CBFA2T3: variants seen among roughly 807,000 people sequenced by gnomAD.
CBFA2T3 encodes the protein transcriptional corepressor CBFA2T3.
Under a neutral mutation model 58.6 loss-of-function variants are expected in CBFA2T3, and 31 were observed. The observed-to-expected ratio is 0.53, with a 90% CI of 0.40 to 0.71. CBFA2T3 has a LOEUF of 0.71. CBFA2T3 is among the 30% of genes least tolerant of loss of function. CBFA2T3 has a pLI of 0.00. For synonymous variants in CBFA2T3, 531 were observed against 421.9 expected (o/e 1.26, Z -3.17); for missense variants, 1,076 against 963.1 (o/e 1.12, Z -1.55).
rs1368803266 is a variant in CBFA2T3 at position 88,916,469 on chromosome 16, TGC to T, written c.152-14815_152-14814del. Among the ~76,000 whole-genome samples, 548 of 152,216 alleles carry T rather than the reference TGC, an allele frequency of 3.6e-3. 1 individual carries two copies. Among genetic ancestry groups the T allele is most frequent in the African/African-American group, 0.013 (527 of 41,514 alleles). Reference sequence around the variant, plus strand: ...TCACGTGCACATGTGGGTGTATGTGTGCGTGTGTATTCCTGTGTGTATTCGTG... The same window carrying T: ...TCACGTGCACATGTGGGTGTATGTGTGTGTGTATTCCTGTGTGTATTCGTG... On this transcript the variant is annotated intron_variant, in intron 1 of 11. Coordinates refer to ENST00000268679, the MANE Select transcript of CBFA2T3 (RefSeq NM_005187.6).
chr16:88,924,130 A>T (rs893808527), intron 1 of CBFA2T3, among the ~76,000 whole-genome samples: 1 of 139,276 alleles, frequency 7.2e-6, no homozygotes, highest in Non-Finnish European at 1.6e-5. Context: ...GGCTAAAGCA[A>T]GGACCCCTGC....
rs1374070169 is a variant in CBFA2T3 at position 88,953,972 on chromosome 16, C to CT, written c.151+22684dup. On this transcript the variant is annotated intron_variant, in intron 1 of 11. Coordinates refer to ENST00000268679, the MANE Select transcript of CBFA2T3 (RefSeq NM_005187.6). The surrounding 1 kb of genome is among the most constrained non-coding windows in gnomAD (Gnocchi z 4.9). ...AATGAGGGCAGGCGGCCTCTAACAGCTGACACCATGTCAGGACAGTGGCTA... is the reference window on the plus strand; with the variant it reads ...AATGAGGGCAGGCGGCCTCTAACAGCTTGACACCATGTCAGGACAGTGGCTA... 6.6e-6 allele frequency among the ~76,000 whole-genome samples: 1 copy of CT among 152,126 alleles called. No homozygotes were observed. Among genetic ancestry groups the CT allele is most frequent in the Non-Finnish European group, 1.5e-5 (1 of 68,012 alleles).
chr16:88,973,847 C>T (rs1278581220), intron 1 of CBFA2T3, among the ~76,000 whole-genome samples: 1 of 152,176 alleles, frequency 6.6e-6, no homozygotes, highest in Non-Finnish European at 1.5e-5. Flanking sequence ...ACGGATGGTG[C>T]CTTCACAGCA....
At chr16:88,936,607 G>A (rs1567620490) in intron 1 of CBFA2T3, among the ~76,000 whole-genome samples, 4 of 152,358 alleles carry the variant, frequency 2.6e-5, no homozygotes, top group South Asian at 4.1e-4. Context: ...CTAAGCGGGC[G>A]GGAAACGCAG....
chr16:88,929,642 C>G lies in CBFA2T3; in HGVS notation c.152-27986G>C, dbSNP rs531009117. Among the ~76,000 whole-genome samples, 259 of 120,356 alleles carry G rather than the reference C, an allele frequency of 2.2e-3. 2 individuals are homozygous for G. The highest frequency in any genetic ancestry group is 6.9e-3 in the African/African-American group (245 of 35,270). 79.0% of individuals were successfully genotyped at this position (120,356 alleles called of 152,430 possible). ...TCTGCATCATCCACGCAAAAACTACCAATACCCACAGCTGCGTGGTCCACG... is the reference window on the plus strand; with the variant it reads ...TCTGCATCATCCACGCAAAAACTACGAATACCCACAGCTGCGTGGTCCACG... On this transcript the variant is annotated intron_variant, in intron 1 of 11. Transcript: ENST00000268679.
intron 1 of CBFA2T3, among the ~76,000 whole-genome samples, chr16:88,910,703 C>G (rs1052828602): frequency 2.6e-5 from 4 of 152,216 alleles, no homozygotes; most frequent in Admixed American, 6.5e-5. Flanking sequence ...AGAGGAGAAC[C>G]TGGTGCTGAC....
chr16:88,892,407 G>T lies in CBFA2T3; in HGVS notation c.458C>A (p.Ala153Asp). 1 of 1,613,574 alleles carries T rather than the reference G, an allele frequency of 6.2e-7. No homozygotes were observed. Residue 153 changes from alanine (A) to aspartate (D), a missense_variant, in exon 4 of 12, where the codon GCC (alanine) becomes GAC (aspartate). Transcript: ENST00000268679. ...GGACAAGGAGGCTGTGGACGAGGTG[G>T]CCGGGCCATTGCTGAAGCCGTTGGG... ...CTPNGFSNGP[A>D]TSSTASLSTQ...
In CBFA2T3 at chr16:88,976,874, G is replaced by T; in HGVS notation, c.-67C>A. ...GGCCTCTACCAGGACTGCCTTTCCCGACCTCCTGCAGCCTTGAGGGAAAGA... is the reference window on the plus strand; with the variant it reads ...GGCCTCTACCAGGACTGCCTTTCCCTACCTCCTGCAGCCTTGAGGGAAAGA... On this transcript the variant is annotated 5_prime_UTR_variant, in exon 1 of 12. It introduces an in-frame stop codon into an upstream open reading frame of the 5' UTR. Coordinates refer to ENST00000268679, the MANE Select transcript of CBFA2T3 (RefSeq NM_005187.6). 1 of 1,494,204 alleles carries T rather than the reference G, an allele frequency of 6.7e-7. No homozygotes were observed. The allele number at this position is 1,494,204 out of a possible 1,614,324, so 92.6% of individuals were successfully genotyped here.
At chr16:88,925,085 G>T (rs903528502) in intron 1 of CBFA2T3, among the ~76,000 whole-genome samples, 1 of 152,226 alleles carries the variant, frequency 6.6e-6, no homozygotes, top group Non-Finnish European at 1.5e-5. Flanking sequence ...AGAGGGACCC[G>T]CCCGGAATCA....
chr16:88,892,004 C>A (rs373865884), intron 4 of CBFA2T3, 33 bp from the exon 5 acceptor site: 37 of 1,563,732 alleles, frequency 2.4e-5, no homozygotes, highest in South Asian at 2.3e-4. Context: ...CACATCAGCA[C>A]CGCTCGGCAT....
At chr16:88,904,217 C>A (rs574551375) in intron 1 of CBFA2T3, among the ~76,000 whole-genome samples, 2 of 152,302 alleles carry the variant, frequency 1.3e-5, no homozygotes, top group East Asian at 1.9e-4. Context: ...TCCCTTTGGG[C>A]AGAACAGGAG....
At position 88,881,499 on chromosome 16, in the gene CBFA2T3, G is replaced by C; in HGVS notation, c.1204-10C>G. The C allele has an allele frequency of 6.3e-7, 1 of 1,596,944 alleles. No homozygotes were observed. The highest frequency in any genetic ancestry group is 2.3e-5 in the East Asian group (1 of 44,436). On this transcript the variant is annotated splice_polypyrimidine_tract_variant and intron_variant, in intron 8 of 11. Transcript: ENST00000268679. ...TGATGCAGTTCAGGAGCTGGGGGCG[G>C]GCGGCGCAGCCTTCAGCACCTCAGA... is the stretch of plus-strand genomic sequence containing the variant.
intron 1 of CBFA2T3, among the ~76,000 whole-genome samples, chr16:88,908,793 G>A (rs375577238): frequency 2.0e-5 from 3 of 152,402 alleles, no homozygotes; most frequent in East Asian, 3.9e-4. Context: ...ACGCTGGGCA[G>A]GTAACGCAGG....
intron 1 of CBFA2T3, among the ~76,000 whole-genome samples, chr16:88,970,053 C>T (rs1225102357): frequency 1.3e-5 from 2 of 152,156 alleles, no homozygotes; most frequent in Non-Finnish European, 2.9e-5. Flanking sequence ...AAAGGGGGCG[C>T]CTGGAAAAGC....
chr16:88,880,677 CCTCCCA>C, intron 10 of CBFA2T3, 37 bp downstream of exon 10: 1 of 1,514,426 alleles, frequency 6.6e-7, no homozygotes, highest in Non-Finnish European at 9.0e-7. Flanking sequence ...GGGGCCCTGG[CCTCCCA>C]CAGCTCTGCT....
At chr16:88,890,227 C>T (rs1379225797) in intron 5 of CBFA2T3, among the ~76,000 whole-genome samples, 2 of 152,186 alleles carry the variant, frequency 1.3e-5, no homozygotes, top group African/African-American at 2.4e-5. Flanking sequence ...GTTCTTTCCG[C>T]GTGTCCCTCC....
Position 88,901,642 on chromosome 16 carries a change from T to C in CBFA2T3, c.166A>G (p.Lys56Glu). ...RKGGPAPVDR[K>E]AKASAMPDSP... ...TCCGGCATCGCTGAGGCCTTAGCTTTCCTGTCCACTGGGGCTGCGACCAAC... is the reference window on the plus strand; with the variant it reads ...TCCGGCATCGCTGAGGCCTTAGCTTCCCTGTCCACTGGGGCTGCGACCAAC... The change falls in exon 2 of 12, where the codon AAA becomes GAA. Residue 56 changes from lysine (K) to glutamate (E), a missense_variant. Physicochemically the swap from Lys to Glu is moderately conservative, Grantham distance 56. Coordinates refer to ENST00000268679, the MANE Select transcript of CBFA2T3 (RefSeq NM_005187.6). The C allele has an allele frequency of 6.5e-7, 1 of 1,531,982 alleles. No individual in the cohort carries two copies. The highest frequency in any genetic ancestry group is 1.3e-5 in the South Asian group (1 of 78,472). The allele number at this position is 1,531,982 out of a possible 1,614,324, so 94.9% of individuals were successfully genotyped here.
intron 1 of CBFA2T3, among the ~76,000 whole-genome samples, chr16:88,941,486 C>G (rs1971729859): frequency 6.7e-6 from 1 of 148,410 alleles, no homozygotes; most frequent in Admixed American, 6.7e-5. Context: ...AGAGGGGCTC[C>G]CCGCCGCCGA....
intron 1 of CBFA2T3, among the ~76,000 whole-genome samples, chr16:88,949,285 G>C (rs1299376927): frequency 6.6e-6 from 1 of 152,216 alleles, no homozygotes; most frequent in Non-Finnish European, 1.5e-5. Flanking sequence ...GAGGCCGGGC[G>C]CGGCGCCTCA....
Sources: gnomAD v4.1 joint callset for allele counts (sites outside exome capture counted in the v4.1 genomes callset) on GRCh38, gnomAD v4.1.1 for gene constraint, Gnocchi (gnomAD v3.1) non-coding constraint, MANE v1.5 for transcripts, NCBI Gene and HGNC (gene_info 2026-07-23, HGNC 2026-07-21) for gene names.